The following BLTP3A variants were observed in gnomAD, a reference collection of about 807,000 sequenced individuals.
The protein encoded by BLTP3A is ICBP90 binding protein 1.
At chr6:34,870,891 C>T in the BLTP3A span, 1 of 1,614,062 alleles carries the variant, frequency 6.2e-7, no homozygotes, top group Non-Finnish European at 8.5e-7. Context: ...TGAAGACTGG[C>T]CACATCAGGC....
chr6:34,804,948 G>T, the BLTP3A span, among the ~76,000 whole-genome samples: 1 of 152,056 alleles, frequency 6.6e-6, no homozygotes, highest in Non-Finnish European at 1.5e-5. Context: ...ATATAAAGTG[G>T]CGATAATAGT....
chr6:34,801,237 A>G, the BLTP3A span, among the ~76,000 whole-genome samples: 285 of 152,288 alleles, frequency 1.9e-3, 1 homozygote, highest in African/African-American at 6.6e-3. Flanking sequence ...GCACTGTGTT[A>G]CTGTGTTCCC....
At chr6:34,870,731 G>A in the BLTP3A span, 80 of 1,303,570 alleles carry the variant, frequency 6.1e-5, no homozygotes, top group South Asian at 3.3e-4. Context: ...CTGTGACTTC[G>A]TTCAGTCAGA....
the BLTP3A span, chr6:34,864,312 T>C: frequency 9.1e-7 from 1 of 1,096,640 alleles, no homozygotes; most frequent in Non-Finnish European, 1.3e-6. Flanking sequence ...TATAGACATT[T>C]TCTTAATCAA....
At chr6:34,828,992 T>C in the BLTP3A span, among the ~76,000 whole-genome samples, 1 of 109,688 alleles carries the variant, frequency 9.1e-6, no homozygotes, top group Non-Finnish European at 1.7e-5. Context: ...GCACCATTGC[T>C]CTCCAGCCTG....
At chr6:34,855,532 G>A in the BLTP3A span, 3 of 1,512,210 alleles carry the variant, frequency 2.0e-6, no homozygotes, top group Admixed American at 1.7e-5. Flanking sequence ...GAAGCTGGTC[G>A]TTAAGAGGAC....
At chr6:34,872,296 T>C in the BLTP3A span, 1 of 1,598,334 alleles carries the variant, frequency 6.3e-7, no homozygotes. Context: ...AACTGTTAAC[T>C]ACTTATTGTT....
chr6:34,841,082 G>A, the BLTP3A span, among the ~76,000 whole-genome samples: 1 of 151,912 alleles, frequency 6.6e-6, no homozygotes, highest in South Asian at 2.1e-4. Flanking sequence ...TAATCTTCTC[G>A]CCTAAGCCGC....
the BLTP3A span, among the ~76,000 whole-genome samples, chr6:34,870,536 A>C: frequency 2.0e-3 from 301 of 152,338 alleles, 1 homozygote; most frequent in African/African-American, 6.9e-3. Flanking sequence ...CTGTGTTTTA[A>C]GAGCTTTTCC....
At chr6:34,839,079 C>T in the BLTP3A span, among the ~76,000 whole-genome samples, 4 of 152,106 alleles carry the variant, frequency 2.6e-5, no homozygotes, top group East Asian at 3.9e-4. Context: ...GGAGAAACCC[C>T]GTCTCTACTA....
At chr6:34,844,712 A>AT in the BLTP3A span, among the ~76,000 whole-genome samples, 92 of 152,000 alleles carry the variant, frequency 6.1e-4, no homozygotes, top group Non-Finnish European at 1.1e-3. Context: ...GGATTATTAG[A>AT]TTTTTTTTCC....
the BLTP3A span, among the ~76,000 whole-genome samples, chr6:34,845,697 C>T: frequency 9.9e-5 from 15 of 151,828 alleles, no homozygotes; most frequent in East Asian, 3.9e-4. Context: ...CCCAGGTTCA[C>T]GCCATTCTCC....
At chr6:34,794,495 G>A in the BLTP3A span, among the ~76,000 whole-genome samples, 4 of 152,074 alleles carry the variant, frequency 2.6e-5, no homozygotes, top group East Asian at 1.9e-4. Flanking sequence ...CCTTATCTCC[G>A]GAAAAATTCA....
At chr6:34,828,913 G>C in the BLTP3A span, among the ~76,000 whole-genome samples, 8 of 150,600 alleles carry the variant, frequency 5.3e-5, no homozygotes, top group Non-Finnish European at 1.0e-4. Context: ...TGTAGTACCA[G>C]CTCCTTGGGA....
chr6:34,856,156 C>A, the BLTP3A span: 10 of 1,490,456 alleles, frequency 6.7e-6, no homozygotes, highest in African/African-American at 1.4e-4. Context: ...AGATTCTGAA[C>A]TATGACTATA....
the BLTP3A span, among the ~76,000 whole-genome samples, chr6:34,854,952 A>G: frequency 6.6e-6 from 1 of 152,254 alleles, no homozygotes; most frequent in Non-Finnish European, 1.5e-5. Flanking sequence ...TCTAATTGGA[A>G]AGAGATGATA....
chr6:34,803,638 C>G, the BLTP3A span, among the ~76,000 whole-genome samples: 1 of 152,198 alleles, frequency 6.6e-6, no homozygotes, highest in Admixed American at 6.5e-5. Context: ...CTAAGCTACC[C>G]TTACTTTCAC....
the BLTP3A span, chr6:34,857,598 T>C: frequency 1.8e-5 from 26 of 1,462,422 alleles, no homozygotes; most frequent in East Asian, 4.8e-4. Context: ...TAGCACACTT[T>C]TGTTAAACAC....
the BLTP3A span, among the ~76,000 whole-genome samples, chr6:34,805,713 G>A: frequency 7.1e-6 from 1 of 139,914 alleles, no homozygotes. Context: ...ACCAGCCTGG[G>A]TGATATAGCA....
Sources: gnomAD v4.1 joint callset for allele counts (sites outside exome capture counted in the v4.1 genomes callset) on GRCh38, gnomAD v4.1.1 for gene constraint, MANE v1.5 for transcripts, NCBI Gene and HGNC (gene_info 2026-07-23, HGNC 2026-07-21) for gene names.